DLGAP5: variants seen among roughly 807,000 people sequenced by gnomAD.
DLGAP5 encodes the protein disks large-associated protein 5.
DLGAP5 carries 90 observed loss-of-function variants against 99.6 expected under a neutral mutation model. The observed-to-expected ratio is 0.90, with a 90% CI of 0.76 to 1.08. The LOEUF is 1.08. Among genes scored for constraint, DLGAP5 ranks in the 50% least tolerant of loss-of-function variants. The probability of loss-of-function intolerance (pLI) is 0.00; values close to 1 mark genes in which losing one functional copy is unlikely to be tolerated. For missense variants in DLGAP5, 1,036 were observed against 983.5 expected (o/e 1.05, Z -0.71); for synonymous variants, 311 against 321.3 (o/e 0.97, Z 0.34).
Position 55,163,048 on chromosome 14 carries a change from T to G in DLGAP5, c.1576A>C (p.Asn526His), listed in dbSNP as rs1264735930. 1.9e-6 allele frequency: 3 copies of G among 1,600,010 alleles called. No homozygotes were observed. The East Asian group carries it at 6.8e-5, about 36-fold the overall frequency. ...QIEDVIHKFN[N>H]LIKLEESGWQ... ...CCAGATTCCTCAAGTTTGATCAGATTGTTGAATTTGTGGATTACATCTTCT... is the reference window on the plus strand; with the variant it reads ...CCAGATTCCTCAAGTTTGATCAGATGGTTGAATTTGTGGATTACATCTTCT... The change falls in exon 13 of 19, where the codon AAT becomes CAT. Residue 526 changes from asparagine to histidine, a missense_variant. Transcript: ENST00000247191.
intron 8 of DLGAP5, among the ~76,000 whole-genome samples, chr14:55,176,730 G>C: frequency 6.6e-6 from 1 of 152,006 alleles, no homozygotes; most frequent in Non-Finnish European, 1.5e-5. Context: ...TGTAATCCCA[G>C]CACTTTGGGA....
chr14:55,179,658 C>T lies in DLGAP5; in HGVS notation c.745G>A (p.Ala249Thr). ...EGKVPSKGRP[A>T]KNVETKPDKG... is the part of the protein sequence containing the mutation. The stretch of plus-strand genomic sequence containing the variant: ...TCGGGTTTTGTTTCTACATTTTTGG[C>T]AGGTCTTCCTTTACTTGGCACCTTT... The change falls in exon 7 of 19, where the codon GCC becomes ACC. Residue 249 changes from alanine to threonine, a missense_variant. By Grantham distance (58) the Ala-to-Thr change is moderately conservative. Coordinates refer to ENST00000247191, the MANE Select transcript of DLGAP5 (RefSeq NM_014750.5). 6.2e-7 allele frequency: 1 copy of T among 1,612,184 alleles called. No homozygotes were observed. The highest frequency in any genetic ancestry group is 8.5e-7 in the Non-Finnish European group (1 of 1,179,314).
intron 14 of DLGAP5, among the ~76,000 whole-genome samples, chr14:55,157,221 C>T (rs1032620066): frequency 6.6e-6 from 1 of 152,120 alleles, no homozygotes; most frequent in African/African-American, 2.4e-5. Flanking sequence ...TGCCATAAAC[C>T]TTAATCTCCC....
chr14:55,185,998 C>A (rs971871260), intron 2 of DLGAP5, among the ~76,000 whole-genome samples: 2 of 152,118 alleles, frequency 1.3e-5, no homozygotes, highest in African/African-American at 4.8e-5. Flanking sequence ...TGGAAGGGTG[C>A]GATAGCTCAC....
At chr14:55,172,175 T>C (rs906135238) in intron 10 of DLGAP5, among the ~76,000 whole-genome samples, 1 of 130,792 alleles carries the variant, frequency 7.6e-6, no homozygotes, top group African/African-American at 4.3e-5. Context: ...AGGTTTTGTT[T>C]CTTTAAAAAA....
rs1050132484 is a variant in DLGAP5, at chr14:55,178,969, C to T, written c.774+660G>A. On this transcript the variant is annotated intron_variant, in intron 7 of 18. Coordinates refer to ENST00000247191, the MANE Select transcript of DLGAP5 (RefSeq NM_014750.5). ...GGCTGAGGCAGGAGAATCACTTGAA[C>T]CCGGGGAGCGGAAGGTGCAGTGAGC... 2.6e-5 allele frequency among the ~76,000 whole-genome samples: 4 copies of T among 152,218 alleles called. No homozygotes were observed. In the South Asian group the frequency reaches 8.3e-4, roughly 32 times the overall value.
intron 18 of DLGAP5, among the ~76,000 whole-genome samples, chr14:55,149,908 C>T (rs1189643450): frequency 5.3e-5 from 8 of 151,886 alleles, no homozygotes; most frequent in Non-Finnish European, 1.2e-4. Context: ...CAAAAATTAG[C>T]CAGGTGTGGT....
chr14:55,149,147 T>C (rs1370200600), intron 18 of DLGAP5, among the ~76,000 whole-genome samples: 1 of 152,240 alleles, frequency 6.6e-6, no homozygotes, highest in Non-Finnish European at 1.5e-5. Context: ...AATGAGAACA[T>C]ATAAGATAAT....
At chr14:55,163,163 A>C in intron 12 of DLGAP5, 88 bp from the exon 13 acceptor site, 1 of 666,000 alleles carries the variant, frequency 1.5e-6, no homozygotes, top group Non-Finnish European at 2.3e-6. Context: ...AAAATTAAAA[A>C]TAGTGATTCA....
chr14:55,183,282 T>C (rs1227185898), intron 3 of DLGAP5, among the ~76,000 whole-genome samples: 1 of 150,936 alleles, frequency 6.6e-6, no homozygotes, highest in Non-Finnish European at 1.5e-5. Context: ...TTTATAAACT[T>C]CTCCTGATTC....
intron 1 of DLGAP5, among the ~76,000 whole-genome samples, chr14:55,190,430 G>T (rs1293513259): frequency 6.6e-6 from 1 of 152,068 alleles, no homozygotes; most frequent in Non-Finnish European, 1.5e-5. Context: ...ATCCAACTAG[G>T]GAGAACAAAG....
intron 8 of DLGAP5, among the ~76,000 whole-genome samples, 173 bp from the exon 9 acceptor site, chr14:55,176,191 A>G (rs558442170): frequency 6.6e-6 from 1 of 152,286 alleles, no homozygotes; most frequent in Admixed American, 6.5e-5. Context: ...GTGAATGTCC[A>G]TTTTTACTAA....
chr14:55,148,314 A>G lies in DLGAP5; in HGVS notation c.*37T>C, dbSNP rs1881892501. ...TAGTCTAAGGAATATATAAGCATTG[A>G]TAATATGAAGGAAAATGTTTGGATT... On this transcript the variant is annotated 3_prime_UTR_variant, in exon 19 of 19. Coordinates refer to ENST00000247191, the MANE Select transcript of DLGAP5 (RefSeq NM_014750.5). 6.2e-7 allele frequency: 1 copy of G among 1,603,646 alleles called. No homozygotes were observed. Among genetic ancestry groups the G allele is most frequent in the Non-Finnish European group, 8.5e-7 (1 of 1,172,332 alleles).
Position 55,148,478 on chromosome 14 carries a change from A to G in DLGAP5, c.2419-5T>C, listed in dbSNP as rs1172517252. On this transcript the variant is annotated splice_polypyrimidine_tract_variant and splice_region_variant and intron_variant, in intron 18 of 18. Transcript: ENST00000247191. ...ATTACTGCAGTTTAGACCTGGCTGGAGAACAAATCCAGAGAAGTCAGTAAA... is the reference window on the plus strand; with the variant it reads ...ATTACTGCAGTTTAGACCTGGCTGGGGAACAAATCCAGAGAAGTCAGTAAA... 8.7e-6 allele frequency: 14 copies of G among 1,614,020 alleles called. No homozygotes were observed. Among genetic ancestry groups the G allele is most frequent in the African/African-American group, 1.3e-5 (1 of 75,052 alleles).
Position 55,148,468 on chromosome 14 carries a change from A to C in DLGAP5, c.2424T>G (p.Gly808=). ...TTECHLLDSP[G]LNCSNPFTQL... The stretch of plus-strand genomic sequence containing the variant: ...GAGTAAATGGATTACTGCAGTTTAG[A>C]CCTGGCTGGAGAACAAATCCAGAGA... The change falls in exon 19 of 19, where the codon GGT becomes GGG. Residue 808 remains glycine (G), a synonymous_variant. Coordinates refer to ENST00000247191, the MANE Select transcript of DLGAP5 (RefSeq NM_014750.5). The C allele has an allele frequency of 6.2e-7, 1 of 1,614,018 alleles. No individual in the cohort carries two copies. The highest frequency in any genetic ancestry group is 8.5e-7 in the Non-Finnish European group (1 of 1,179,986).
intron 9 of DLGAP5, among the ~76,000 whole-genome samples, 181 bp downstream of exon 9, chr14:55,175,713 G>T (rs1318432615): frequency 6.6e-6 from 1 of 151,852 alleles, no homozygotes; most frequent in Non-Finnish European, 1.5e-5. Context: ...CTTTACCCAT[G>T]CTTTCCCGTC....
At chr14:55,159,516 G>C (rs927715236) in intron 13 of DLGAP5, among the ~76,000 whole-genome samples, 4 of 152,182 alleles carry the variant, frequency 2.6e-5, no homozygotes, top group African/African-American at 7.2e-5. Context: ...GTGTGGGGTG[G>C]AGATGGTGAA....
At chr14:55,174,438 T>C (rs1387104461) in intron 10 of DLGAP5, among the ~76,000 whole-genome samples, 1 of 152,174 alleles carries the variant, frequency 6.6e-6, no homozygotes. Flanking sequence ...CCTTGTAAAG[T>C]ACTTGATGTC....
chr14:55,188,807 A>G (rs1883511797), intron 2 of DLGAP5, 135 bp downstream of exon 2: 1 of 641,394 alleles, frequency 1.6e-6, no homozygotes, highest in Admixed American at 3.6e-5. Context: ...AAAAAGGAAA[A>G]AGACCAAAAA....
Sources: gnomAD v4.1 joint callset for allele counts (sites outside exome capture counted in the v4.1 genomes callset) on GRCh38, gnomAD v4.1.1 for gene constraint, MANE v1.5 for transcripts, NCBI Gene and HGNC (gene_info 2026-07-23, HGNC 2026-07-21) for gene names.